CLPB: variants seen among roughly 807,000 people sequenced by gnomAD.
The protein encoded by CLPB is ClpB family mitochondrial disaggregase.
CLPB carries 40 observed loss-of-function variants against 78.4 expected under a neutral mutation model. The ratio of observed to expected loss-of-function variants is 0.51; its 90% CI spans 0.40 to 0.66. CLPB has a LOEUF of 0.66. Ranked by LOEUF, CLPB falls within the 30% of genes least tolerant of loss-of-function variation. CLPB has a pLI of 0.00. For synonymous variants in CLPB, 333 were observed against 348.0 expected (o/e 0.96, Z 0.48); for missense variants, 780 against 886.9 (o/e 0.88, Z 1.53).
chr11:72,427,187 CT>C (rs139393275), intron 2 of CLPB, among the ~76,000 whole-genome samples: 2,308 of 152,300 alleles, frequency 0.015, 50 homozygotes, highest in African/African-American at 0.053. Context: ...ATACCTCCCC[CT>C]GGGAGCAGAA....
intron 3 of CLPB, among the ~76,000 whole-genome samples, chr11:72,401,766 T>C (rs1461895100): frequency 6.6e-6 from 1 of 152,252 alleles, no homozygotes; most frequent in African/African-American, 2.4e-5. Context: ...AAGTGCCCAC[T>C]CTGCTTTCTT....
chr11:72,362,326 G>C (rs1411210540), intron 4 of CLPB, among the ~76,000 whole-genome samples: 1 of 152,086 alleles, frequency 6.6e-6, no homozygotes, highest in East Asian at 1.9e-4. Context: ...TTGCTTACTT[G>C]ACTACAATTC....
intron 9 of CLPB, among the ~76,000 whole-genome samples, chr11:72,303,330 A>C (rs555504042): frequency 3.3e-5 from 5 of 152,346 alleles, no homozygotes; most frequent in African/African-American, 1.2e-4. Context: ...GCTATGTCTG[A>C]AATCCAGGGC....
chr11:72,357,162 T>C (rs993116870), intron 5 of CLPB: 1 of 152,286 alleles, frequency 6.6e-6, no homozygotes, highest in Non-Finnish European at 1.5e-5. Context: ...AGGTCCCTTG[T>C]AGGCTTGGGG....
intron 11 of CLPB, among the ~76,000 whole-genome samples, chr11:72,300,584 G>C (rs187226691): frequency 6.6e-6 from 1 of 152,286 alleles, no homozygotes; most frequent in East Asian, 1.9e-4. Flanking sequence ...AAGGAGGCTG[G>C]GCCAGGTGGG....
In CLPB at chr11:72,292,808, T is replaced by C. The variant is rs1376980158; in HGVS notation, c.*559A>G. ...AGTAGCGGAAACAGGCAAGCCTCTA[T>C]GGGTCCCTTCCCCTTAGAATTTTAG... On this transcript the variant is annotated 3_prime_UTR_variant, in exon 16 of 16. Transcript: ENST00000538039. 1 of 154,656 alleles carries C rather than the reference T, an allele frequency of 6.5e-6. No individual in the cohort carries two copies. The highest frequency in any genetic ancestry group is 1.4e-5 in the Non-Finnish European group (1 of 69,612). 9.6% of individuals were successfully genotyped at this position (154,656 alleles called of 1,614,324 possible). A position where few individuals can be genotyped will look rare whatever the true frequency, so the allele number is the denominator to read the frequency against.
At position 72,293,526 on chromosome 11, in the gene CLPB, GTCC is replaced by G. The variant is rs1949489409; in HGVS notation, c.1872_1874del (p.Glu624del). ...GGCTTTTGAGTAGCTGCTTGTCTGAGTCCTCCACCGTGATGCGCAAAGTACAGC... is the reference window on the plus strand; with the variant it reads ...GGCTTTTGAGTAGCTGCTTGTCTGAGTCCACCGTGATGCGCAAAGTACAGC... On this transcript the variant is annotated inframe_deletion, in exon 16 of 16. Transcript: ENST00000538039. 2 of 1,614,068 alleles carry G rather than the reference GTCC, an allele frequency of 1.2e-6. No individual in the cohort carries two copies. The highest frequency in any genetic ancestry group is 8.5e-7 in the Non-Finnish European group (1 of 1,180,046).
intron 5 of CLPB, among the ~76,000 whole-genome samples, chr11:72,342,088 G>A (rs905645335): frequency 2.6e-5 from 4 of 152,162 alleles, no homozygotes; most frequent in African/African-American, 9.7e-5. Flanking sequence ...TAGTTTGAGC[G>A]ACCAGTAGAC....
intron 2 of CLPB, among the ~76,000 whole-genome samples, chr11:72,417,843 G>C (rs2135129113): frequency 2.0e-5 from 3 of 152,272 alleles, no homozygotes; most frequent in Middle Eastern, 6.8e-3. Context: ...TCCTGGGAAG[G>C]ATCCTGCCCC....
At chr11:72,322,925 T>G (rs765349874) in intron 6 of CLPB, among the ~76,000 whole-genome samples, 6 of 152,142 alleles carry the variant, frequency 3.9e-5, no homozygotes, top group African/African-American at 9.7e-5. Context: ...ATCATCCCCA[T>G]TGTACAGAGA....
chr11:72,404,509 G>T (rs1405943927), intron 2 of CLPB, among the ~76,000 whole-genome samples: 2 of 152,312 alleles, frequency 1.3e-5, no homozygotes, highest in Admixed American at 6.5e-5. Context: ...AAATACTTTC[G>T]AAGGCACTGT....
chr11:72,296,429 A>G (rs551221599), intron 11 of CLPB, among the ~76,000 whole-genome samples: 2 of 152,206 alleles, frequency 1.3e-5, no homozygotes, highest in Non-Finnish European at 2.9e-5. Flanking sequence ...TGCACCAAAG[A>G]AGGAGAAAAG....
rs577566573 is a variant in CLPB, at chr11:72,294,683, C to G, written c.1497G>C (p.Gln499His). 46 of 1,613,752 alleles carry G rather than the reference C, an allele frequency of 2.9e-5. No individual in the cohort carries two copies. The highest frequency in any genetic ancestry group is 4.5e-5 in the East Asian group (2 of 44,900). Residue 499 changes from glutamine to histidine, a missense_variant, in exon 13 of 16, where the codon CAG becomes CAC. By Grantham distance (24) the Gln-to-His change is conservative. Transcript: ENST00000538039. Reference protein sequence around the residue: ...NRIAENLGDVQISDKITISKN... With the variant: ...NRIAENLGDVHISDKITISKN... ...TTGAGATGGTGATCTTGTCACTTAT[C>G]TGGACATCCCCTGTGGAGAAGAATC...
chr11:72,434,151 G>A lies in CLPB; in HGVS notation c.324C>T (p.Pro108=). The change falls in exon 1 of 16, where the codon CCC becomes CCT. Residue 108 remains proline (P), a synonymous_variant. Coordinates refer to ENST00000538039, the MANE Select transcript of CLPB (RefSeq NM_001258392.3). ...LPGQDSWNGV[P]SRAGLGMCAL... Reference sequence around the variant, plus strand: ...CGCACATGCCCAGTCCGGCCCTGCTGGGGACCCCGTTCCAGCTGTCCTGTC... The same window carrying A: ...CGCACATGCCCAGTCCGGCCCTGCTAGGGACCCCGTTCCAGCTGTCCTGTC... 1 of 1,612,702 alleles carries A rather than the reference G, an allele frequency of 6.2e-7. No individual in the cohort carries two copies.
chr11:72,395,612 C>T (rs1855381901), intron 3 of CLPB, among the ~76,000 whole-genome samples: 1 of 152,238 alleles, frequency 6.6e-6, no homozygotes, highest in Non-Finnish European at 1.5e-5. Context: ...CAACTACTGC[C>T]ATCATCATTA....
intron 4 of CLPB, among the ~76,000 whole-genome samples, chr11:72,367,840 GGAAGA>G (rs1257781685): frequency 1.3e-5 from 2 of 151,560 alleles, no homozygotes; most frequent in Non-Finnish European, 2.9e-5. Flanking sequence ...TGAGAGGAGA[GGAAGA>G]GAAGCTTTTT....
At chr11:72,372,940 C>T in intron 4 of CLPB, 1 of 1,614,114 alleles carries the variant, frequency 6.2e-7, no homozygotes, top group Non-Finnish European at 8.5e-7. Context: ...GCGGGGAGTC[C>T]TAGCCATCTC....
chr11:72,294,605 A>G lies in CLPB; in HGVS notation c.1560+15T>C. On this transcript the variant is annotated intron_variant, in intron 13 of 15. Transcript: ENST00000538039. ...CCTTAGGCTCCAGCAGGAAGTGCCA[A>G]GAAAGACCTCTTACTTTCAGGATAG... 6.2e-7 allele frequency: 1 copy of G among 1,613,552 alleles called. No individual in the cohort carries two copies. Among genetic ancestry groups the G allele is most frequent in the Non-Finnish European group, 8.5e-7 (1 of 1,179,426 alleles).
intron 4 of CLPB, among the ~76,000 whole-genome samples, chr11:72,371,340 G>A (rs890427764): frequency 6.6e-6 from 1 of 151,922 alleles, no homozygotes; most frequent in Non-Finnish European, 1.5e-5. Flanking sequence ...GACCAGCCTG[G>A]GCAACATGGT....
Sources: gnomAD v4.1 joint callset for allele counts (sites outside exome capture counted in the v4.1 genomes callset) on GRCh38, gnomAD v4.1.1 for gene constraint, MANE v1.5 for transcripts, NCBI Gene and HGNC (gene_info 2026-07-23, HGNC 2026-07-21) for gene names.